PCDH9: variants seen among roughly 807,000 people sequenced by gnomAD.
The protein encoded by PCDH9 is protocadherin 9, also known as protocadherin-9.
PCDH9 carries 24 observed loss-of-function variants against 70.6 expected under a neutral mutation model. That is an observed-to-expected ratio of 0.34 (90% CI 0.25 to 0.48). The LOEUF (loss-of-function observed/expected upper bound fraction) is 0.48. Ranked by LOEUF, PCDH9 falls within the 20% of genes least tolerant of loss-of-function variation. The pLI is 0.99. For synonymous variants in PCDH9, 562 were observed against 558.5 expected (o/e 1.01, Z -0.09); for missense variants, 1,281 against 1,503.6 (o/e 0.85, Z 2.45).
In PCDH9 at chr13:66,679,716, T is replaced by C. The variant is rs185340002; in HGVS notation, c.3139-48305A>G. ...TATTTAAATATGTTATCCAGGAATA[T>C]AGAGACATAATTGTTTTTAGTAATA... On this transcript the variant is annotated intron_variant, in intron 3 of 4. Coordinates refer to ENST00000377865, the MANE Select transcript of PCDH9 (RefSeq NM_203487.3). Among the ~76,000 whole-genome samples the C allele has an allele frequency of 5.1e-3, 773 of 152,018 alleles. 10 individuals carry two copies. The highest frequency in any genetic ancestry group is 0.017 in the African/African-American group (716 of 41,550).
chr13:66,824,307 A>G (rs1303762823), intron 3 of PCDH9, among the ~76,000 whole-genome samples: 1 of 800 alleles, frequency 1.3e-3, no homozygotes, highest in Non-Finnish European at 3.6e-3. Flanking sequence ...TTGAAAGTAT[A>G]TATATATATA....
intron 4 of PCDH9, among the ~76,000 whole-genome samples, chr13:66,393,938 GT>G (rs565641198): frequency 1.8e-4 from 27 of 152,180 alleles, no homozygotes; most frequent in Non-Finnish European, 2.9e-4. Flanking sequence ...AATCTGTAGA[GT>G]TTTTTAGGAG....
intron 3 of PCDH9, among the ~76,000 whole-genome samples, chr13:66,670,497 G>A (rs533513580): frequency 6.6e-6 from 1 of 152,100 alleles, no homozygotes. Context: ...ATTTAAAGAG[G>A]CATCTTTTGA....
chr13:66,489,733 T>G (rs1471005008), intron 4 of PCDH9, among the ~76,000 whole-genome samples: 1 of 152,204 alleles, frequency 6.6e-6, no homozygotes, highest in African/African-American at 2.4e-5. Flanking sequence ...ATGATTTTCT[T>G]GTTCCCACAA....
In PCDH9 at chr13:67,019,696, G is replaced by C. The variant is rs2084637319; in HGVS notation, c.3037-116091C>G. Among the ~76,000 whole-genome samples the C allele has an allele frequency of 2.0e-5, 3 of 152,222 alleles. No homozygotes were observed. In the East Asian group the frequency reaches 5.8e-4, roughly 29 times the overall value. On this transcript the variant is annotated intron_variant, in intron 2 of 4. Transcript: ENST00000377865. ...TCAGCAAATGCTTAAGGAGATAAGG[G>C]GTAACCTCAAGCTATGGTAGACTAA...
At chr13:66,837,162 A>T (rs1321193019) in intron 3 of PCDH9, among the ~76,000 whole-genome samples, 1 of 152,214 alleles carries the variant, frequency 6.6e-6, no homozygotes, top group Non-Finnish European at 1.5e-5. Flanking sequence ...TTTGAGGTAT[A>T]CTGTTAGCTG....
chr13:67,141,223 T>C (rs1195550168), intron 2 of PCDH9, among the ~76,000 whole-genome samples: 2 of 152,030 alleles, frequency 1.3e-5, no homozygotes, highest in Admixed American at 6.6e-5. Flanking sequence ...CTAAGTGTTA[T>C]GAGTAAGTGG....
chr13:67,207,774 T>C (rs1214837972), intron 2 of PCDH9: 1 of 152,226 alleles, frequency 6.6e-6, no homozygotes, highest in African/African-American at 2.4e-5. Context: ...AAGCTATGAC[T>C]AATCATGTCA....
intron 3 of PCDH9, among the ~76,000 whole-genome samples, chr13:66,902,800 T>G (rs1429884158): frequency 1.3e-5 from 2 of 151,586 alleles, no homozygotes; most frequent in Non-Finnish European, 1.5e-5. Flanking sequence ...ATGTTATGTG[T>G]TTTTTTACCA....
chr13:66,496,712 C>A lies in PCDH9; in HGVS notation c.3340+134498G>T, dbSNP rs144349780. Reference sequence around the variant, plus strand: ...TTCCTCAGTCAGTTACAATCACATACTTGTACCAACAATTAGGTACTTGTC... The same window carrying A: ...TTCCTCAGTCAGTTACAATCACATAATTGTACCAACAATTAGGTACTTGTC... On this transcript the variant is annotated intron_variant, in intron 4 of 4. Transcript: ENST00000377865. Among the ~76,000 whole-genome samples, 55 of 152,246 alleles carry A rather than the reference C, an allele frequency of 3.6e-4. 1 individual carries two copies. In the East Asian group the frequency reaches 7.2e-3, roughly 20 times the overall value.
At chr13:66,378,122 T>C (rs1349997563) in intron 4 of PCDH9, among the ~76,000 whole-genome samples, 5 of 152,188 alleles carry the variant, frequency 3.3e-5, no homozygotes, top group Non-Finnish European at 7.3e-5. Flanking sequence ...CTTTAAAGGG[T>C]TGATCATAGA....
intron 2 of PCDH9, among the ~76,000 whole-genome samples, chr13:67,127,476 T>A (rs567153358): frequency 2.0e-5 from 3 of 152,128 alleles, no homozygotes; most frequent in Non-Finnish European, 2.9e-5. Context: ...TGGAGCTTGG[T>A]AGTGATTCTT....
intron 3 of PCDH9, among the ~76,000 whole-genome samples, chr13:66,780,774 G>C (rs138693812): frequency 6.6e-6 from 1 of 152,138 alleles, no homozygotes; most frequent in Non-Finnish European, 1.5e-5. Context: ...CCTAGGAAAG[G>C]AAATTGTTTT....
chr13:66,354,073 A>C (rs917260327), intron 4 of PCDH9, among the ~76,000 whole-genome samples: 1 of 152,116 alleles, frequency 6.6e-6, no homozygotes, highest in Non-Finnish European at 1.5e-5. Flanking sequence ...CCTTTTTTCT[A>C]CTTCTCTCTT....
chr13:67,156,488 C>T (rs2087816087), intron 2 of PCDH9, among the ~76,000 whole-genome samples: 1 of 151,800 alleles, frequency 6.6e-6, no homozygotes, highest in Admixed American at 6.6e-5. Flanking sequence ...TGGGATGAGG[C>T]GGAGTTTGGT....
chr13:66,953,718 C>G (rs2083222048), intron 2 of PCDH9, among the ~76,000 whole-genome samples: 1 of 152,076 alleles, frequency 6.6e-6, no homozygotes, highest in African/African-American at 2.4e-5. Flanking sequence ...ACCAACAAAC[C>G]CAGCATGTGG....
chr13:66,734,509 C>T (rs759699153), intron 3 of PCDH9, among the ~76,000 whole-genome samples: 22 of 152,084 alleles, frequency 1.4e-4, no homozygotes, highest in Non-Finnish European at 3.1e-4. Flanking sequence ...CAATTGGTGT[C>T]AGAAATGAAG....
At chr13:66,792,015 T>C (rs2080171204) in intron 3 of PCDH9, among the ~76,000 whole-genome samples, 1 of 152,174 alleles carries the variant, frequency 6.6e-6, no homozygotes, top group Non-Finnish European at 1.5e-5. Flanking sequence ...ATATCCTATT[T>C]AGAATGCTTA....
intron 3 of PCDH9, among the ~76,000 whole-genome samples, chr13:66,858,212 T>A (rs146290720): frequency 6.6e-6 from 1 of 152,168 alleles, no homozygotes; most frequent in African/African-American, 2.4e-5. Flanking sequence ...GTGGAGAGTA[T>A]GCCATTAAAT....
Sources: gnomAD v4.1 joint callset for allele counts (sites outside exome capture counted in the v4.1 genomes callset) on GRCh38, gnomAD v4.1.1 for gene constraint, MANE v1.5 for transcripts, NCBI Gene and HGNC (gene_info 2026-07-23, HGNC 2026-07-21) for gene names.